Variants in VEZF1 observed in about 807,000 individuals in gnomAD.
VEZF1 encodes vascular endothelial zinc finger 1.
A neutral mutation model predicts 44.1 loss-of-function variants in VEZF1; 5 were observed. The ratio of observed to expected loss-of-function variants is 0.11; its 90% confidence interval spans 0.06 to 0.24. The LOEUF (loss-of-function observed/expected upper bound fraction) is 0.24. VEZF1 is among the 10% of genes least tolerant of loss of function. The probability of loss-of-function intolerance (pLI) is 1.00; values close to 1 mark genes in which losing one functional copy is unlikely to be tolerated. For synonymous variants in VEZF1, 236 were observed against 233.1 expected, an observed-to-expected ratio of 1.01 and a Z score of -0.11; for missense variants, 358 against 641.8, an observed-to-expected ratio of 0.56 and a Z score of 4.78.
chr17:57,978,094 C>A (rs1322357872), intron 5 of VEZF1, among the ~76,000 whole-genome samples: 1 of 150,898 alleles, frequency 6.6e-6, no homozygotes, highest in African/African-American at 2.4e-5. Flanking sequence ...TCCTGGCTAC[C>A]CGGGAGGCTG....
intron 1 of VEZF1, among the ~76,000 whole-genome samples, chr17:57,987,806 G>GGTGTGTGTGAGTGT (rs1267806957): frequency 1.3e-5 from 2 of 151,920 alleles, no homozygotes; most frequent in African/African-American, 4.8e-5. Context: ...GAGAGGGAAG[G>GGTGTGTGTGAGTGT]GTGTGTGTGA....
intron 1 of VEZF1, 109 bp from the exon 2 acceptor site, chr17:57,983,502 G>A (rs1364363665): frequency 3.1e-6 from 3 of 963,792 alleles, no homozygotes; most frequent in Admixed American, 2.7e-5. Flanking sequence ...GAACCTATAA[G>A]CTACTCTGCA....
In VEZF1 at chr17:57,982,955, G is replaced by T. The variant is rs542654347; in HGVS notation, c.472C>A (p.Pro158Thr). Residue 158 changes from proline (P) to threonine (T), a missense_variant, in exon 2 of 6, where the codon CCA becomes ACA. Physicochemically the swap from Pro to Thr is conservative, Grantham distance 38. Coordinates refer to ENST00000581208, the MANE Select transcript of VEZF1 (RefSeq NM_007146.3). ...PSSSASTTAM[P>T]VTQSVKKPSK... ...GGTTTCTTGACAGACTGGGTCACTG[G>T]CATAGCTGTGGTGCTGGCACTGCTA... 14 of 1,614,178 alleles carry T rather than the reference G, an allele frequency of 8.7e-6. No individual in the cohort carries two copies. In the Admixed American group the frequency reaches 1.0e-4, roughly 12 times the overall value.
chr17:57,980,572 T>C (rs773704085), intron 4 of VEZF1, 31 bp downstream of exon 4: 2 of 1,595,998 alleles, frequency 1.3e-6, no homozygotes, highest in South Asian at 2.2e-5. Flanking sequence ...ATCTGAAATA[T>C]AAAAGAAAGA....
chr17:57,985,203 T>G, intron 1 of VEZF1: 1 of 1,156,970 alleles, frequency 8.6e-7, no homozygotes, highest in Non-Finnish European at 1.1e-6. Context: ...TTTAGAGGCA[T>G]TTTTCAACTC....
At chr17:57,980,491 G>GC in intron 4 of VEZF1, 112 bp downstream of exon 4, 1 of 1,020,880 alleles carries the variant, frequency 9.8e-7, no homozygotes, top group Non-Finnish European at 1.5e-6. Context: ...GCACATGTTG[G>GC]CAATAGGAGG....
At chr17:57,982,082 G>A in intron 2 of VEZF1, 146 bp from the exon 3 acceptor site, 1 of 757,650 alleles carries the variant, frequency 1.3e-6, no homozygotes, top group Non-Finnish European at 2.2e-6. Flanking sequence ...CCCGGTGCAA[G>A]TCTCCTTCCC....
At chr17:57,986,343 A>C (rs2075293545) in intron 1 of VEZF1, among the ~76,000 whole-genome samples, 1 of 152,068 alleles carries the variant, frequency 6.6e-6, no homozygotes, top group Non-Finnish European at 1.5e-5. Context: ...CACCATGCTT[A>C]ATATGGTTTT....
In VEZF1 at chr17:57,978,363, G is replaced by A. The variant is rs149850323; in HGVS notation, c.1138+789C>T. 6.3e-3 allele frequency among the ~76,000 whole-genome samples: 963 copies of A among 152,328 alleles called. 6 individuals are homozygous for A. Among genetic ancestry groups the A allele is most frequent in the Non-Finnish European group, 0.01 (713 of 68,020 alleles). On this transcript the variant is annotated intron_variant, in intron 5 of 5. Transcript: ENST00000581208. ...ACATTTAACATAGTAAGACATTGTA[G>A]AGGTGGAGGAGGAAGAAGGAATTTA... is the stretch of plus-strand genomic sequence containing the variant.
intron 1 of VEZF1, among the ~76,000 whole-genome samples, chr17:57,984,791 C>G (rs778239385): frequency 2.1e-4 from 32 of 152,188 alleles, no homozygotes; most frequent in Admixed American, 6.5e-4. Flanking sequence ...CTAGTCTCCC[C>G]CAAACGATTA....
chr17:57,976,851 A>C (rs1169971132), intron 5 of VEZF1, among the ~76,000 whole-genome samples: 2 of 152,000 alleles, frequency 1.3e-5, no homozygotes, highest in Non-Finnish European at 2.9e-5. Context: ...ATTCACTTTA[A>C]GGTGCTGGGA....
rs1411592029 is a variant in VEZF1, at chr17:57,979,258, CT to C, written c.1031del (p.Gln344ArgfsTer13). The C allele has an allele frequency of 6.2e-7, 1 of 1,601,018 alleles. No homozygotes were observed. The highest frequency in any genetic ancestry group is 8.6e-7 in the Non-Finnish European group (1 of 1,169,418). On this transcript the variant is annotated frameshift_variant, in exon 5 of 6. Coordinates refer to ENST00000581208, the MANE Select transcript of VEZF1 (RefSeq NM_007146.3). LOFTEE classifies it high-confidence loss of function. ...NQKQQQQQQQ[Q>X]QQQQQQQQQQ... ...GTTGTTGTTGTTGCTGCTGCTGCTG[CT>C]GCTGCTGCTGCTGCTGCTGCTGCTT...
In VEZF1 at chr17:57,972,658, T is replaced by C. The variant is rs1325441454; in HGVS notation, c.*1815A>G. The C allele has an allele frequency of 1.3e-5, 2 of 152,600 alleles. No homozygotes were observed. The highest frequency in any genetic ancestry group is 1.9e-4 in the East Asian group (1 of 5,198). The allele number at this position is 152,600 out of a possible 1,614,324, so 9.5% of individuals were successfully genotyped here. A position where few individuals can be genotyped will look rare whatever the true frequency, so the allele number is the denominator to read the frequency against. The stretch of plus-strand genomic sequence containing the variant: ...TTACATGGACATTATAACAAACATA[T>C]ACATTAAAAGTGTAGGAATGTGTTG... On this transcript the variant is annotated 3_prime_UTR_variant, in exon 6 of 6. Transcript: ENST00000581208.
intron 4 of VEZF1, among the ~76,000 whole-genome samples, chr17:57,979,554 CAA>C (rs79059045): frequency 1.6e-4 from 18 of 114,986 alleles, no homozygotes; most frequent in Non-Finnish European, 2.3e-4. Flanking sequence ...AAAAAACCAT[CAA>C]AAAAAAAAAA....
rs1435617618 is a variant in VEZF1, at chr17:57,973,459, C to A, written c.*1014G>T. The stretch of plus-strand genomic sequence containing the variant: ...TAGTGGTTAGAATAAAAACTGTATA[C>A]AATTTAATATAAGACATAAACTCTA... On this transcript the variant is annotated 3_prime_UTR_variant, in exon 6 of 6. Transcript: ENST00000581208. 6.6e-6 allele frequency: 1 copy of A among 152,586 alleles called. No individual in the cohort carries two copies. The highest frequency in any genetic ancestry group is 1.5e-5 in the Non-Finnish European group (1 of 68,040). The allele number at this position is 152,586 out of a possible 1,614,324, so 9.5% of individuals were successfully genotyped here.
intron 1 of VEZF1, 79 bp from the exon 2 acceptor site, chr17:57,983,472 G>C: frequency 1.6e-6 from 2 of 1,286,496 alleles, no homozygotes; most frequent in East Asian, 2.3e-5. Flanking sequence ...AGACAATAGA[G>C]ACCAGAAGAA....
chr17:57,980,810 T>C (rs751520906), intron 3 of VEZF1, 24 bp from the exon 4 acceptor site: 2 of 1,612,530 alleles, frequency 1.2e-6, no homozygotes, highest in South Asian at 2.2e-5. Flanking sequence ...GAAAACTTTT[T>C]TTAAATATAG....
chr17:57,975,047 G>C (rs1242124793), intron 5 of VEZF1, 147 bp from the exon 6 acceptor site: 35 of 947,434 alleles, frequency 3.7e-5, no homozygotes, highest in Middle Eastern at 2.7e-4. Context: ...CAGAACAGAG[G>C]ATCTTTCTGA....
Position 57,979,231 on chromosome 17 carries a change from T to C in VEZF1, c.1059A>G (p.Gln353=), listed in dbSNP as rs780765200. The C allele has an allele frequency of 6.2e-7, 1 of 1,611,768 alleles. No individual in the cohort carries two copies. The highest frequency in any genetic ancestry group is 8.5e-7 in the Non-Finnish European group (1 of 1,179,122). Residue 353 remains glutamine (Q), a synonymous_variant, in exon 5 of 6, where the codon CAA becomes CAG. Coordinates refer to ENST00000581208, the MANE Select transcript of VEZF1 (RefSeq NM_007146.3). ...QQQQQQQQQQ[Q]QHVTSWPGKQ... is the part of the protein sequence containing the mutation. ...TCCCTGGCCAGCTTGTCACATGTTG[T>C]TGTTGTTGTTGTTGCTGCTGCTGCT...
Sources: gnomAD v4.1 joint callset for allele counts (sites outside exome capture counted in the v4.1 genomes callset) on GRCh38, gnomAD v4.1.1 for gene constraint, MANE v1.5 for transcripts, NCBI Gene and HGNC (gene_info 2026-07-23, HGNC 2026-07-21) for gene names.